The following NTRK1 variants were observed in gnomAD, a reference collection of about 807,000 sequenced individuals.
NTRK1 encodes the protein neurotrophic receptor tyrosine kinase 1.
Under a neutral mutation model 86.8 loss-of-function variants are expected in NTRK1, and 62 were observed. The ratio of observed to expected loss-of-function variants is 0.71; its 90% confidence interval spans 0.58 to 0.88. The LOEUF (loss-of-function observed/expected upper bound fraction) is 0.88, where lower values mean the gene tolerates loss of function less well. NTRK1 is among the 40% of genes least tolerant of loss of function. The pLI, the probability that NTRK1 is intolerant of heterozygous loss-of-function variation, is 0.00. For synonymous variants in NTRK1, 469 were observed against 456.6 expected (o/e 1.03, Z -0.35); for missense variants, 967 against 1,078.4 (o/e 0.90, Z 1.45).
At position 156,881,626 on chromosome 1, in the gene NTRK1, T is replaced by C; in HGVS notation, c.2375T>C (p.Leu792Pro). 1 of 1,607,592 alleles carries C rather than the reference T, an allele frequency of 6.2e-7. No individual in the cohort carries two copies. ...QALAQAPPVY[L>P]DVLG ...CTGGCCCAGGCACCTCCTGTCTACC[T>C]GGATGTCCTGGGCTAGGGGGCCGGC... The change falls in exon 17 of 17, where the codon CTG (leucine) becomes CCG (proline). Residue 792 changes from leucine (L) to proline (P), a missense_variant. By Grantham distance (98) the Leu-to-Pro change is moderately conservative. This residue lies in a region of NTRK1 where 637 missense variants were observed against 776.5 expected (regional missense o/e 0.82). Coordinates refer to ENST00000524377, the MANE Select transcript of NTRK1 (RefSeq NM_002529.4).
chr1:156,862,633 C>T (rs909364096), intron 1 of NTRK1, among the ~76,000 whole-genome samples: 17 of 152,256 alleles, frequency 1.1e-4, no homozygotes, highest in African/African-American at 2.9e-4. Context: ...CTCACTCACC[C>T]GCAGAGCTAA....
chr1:156,876,599 C>T (rs2102920299), intron 14 of NTRK1, 27 bp downstream of exon 14: 4 of 1,598,596 alleles, frequency 2.5e-6, no homozygotes, highest in Non-Finnish European at 2.6e-6. Context: ...TCAGCGCTGG[C>T]CCCGGCCCCT....
intron 1 of NTRK1, among the ~76,000 whole-genome samples, chr1:156,829,521 C>A (rs1330002212): frequency 1.3e-5 from 2 of 152,082 alleles, no homozygotes; most frequent in African/African-American, 4.8e-5. Flanking sequence ...CAGGATCCTG[C>A]CTTTTTGACA....
chr1:156,834,348 T>C (rs924223850), intron 1 of NTRK1, among the ~76,000 whole-genome samples: 1 of 152,172 alleles, frequency 6.6e-6, no homozygotes, highest in Admixed American at 6.5e-5. Flanking sequence ...GGGCTTTGTA[T>C]TAGGCTGGGG....
At chr1:156,842,264 G>A in intron 2 of NTRK1, 1 of 1,613,930 alleles carries the variant, frequency 6.2e-7, no homozygotes, top group Non-Finnish European at 8.5e-7. Context: ...TGGGAGCCCA[G>A]GGTTGTTCTA....
chr1:156,875,078 G>A (rs1387922844), intron 11 of NTRK1, 70 bp downstream of exon 11: 15 of 1,160,462 alleles, frequency 1.3e-5, no homozygotes, highest in Non-Finnish European at 1.8e-5. Context: ...GGCTCTTCCT[G>A]ACTCTGTCTC....
chr1:156,858,643 C>G (rs748275651), upstream of NTRK1: 1 of 1,605,240 alleles, frequency 6.2e-7, no homozygotes, highest in Non-Finnish European at 8.5e-7. Flanking sequence ...TGGCTTGTGT[C>G]CAGTCCCGGC....
intron 6 of NTRK1, 76 bp from the exon 7 acceptor site, chr1:156,871,547 G>A: frequency 6.5e-7 from 1 of 1,547,314 alleles, no homozygotes. Context: ...AGCCAGAGGG[G>A]CTCTCCAAAG....
intron 1 of NTRK1, among the ~76,000 whole-genome samples, chr1:156,826,476 A>G (rs1168075757): frequency 6.6e-6 from 1 of 150,794 alleles, no homozygotes; most frequent in African/African-American, 2.4e-5. Context: ...AATTTTTTGT[A>G]TTTTTTAGTA....
In NTRK1 at chr1:156,876,101, G is replaced by A. The variant is rs374799164; in HGVS notation, c.1523G>A (p.Arg508Gln). 15 of 1,614,064 alleles carry A rather than the reference G, an allele frequency of 9.3e-6. No individual in the cohort carries two copies. Among genetic ancestry groups the A allele is most frequent in the Middle Eastern group, 1.6e-4 (1 of 6,082 alleles). Reference protein sequence around the residue: ...SDACVHHIKRRDIVLKWELGE... With the variant: ...SDACVHHIKRQDIVLKWELGE... The stretch of plus-strand genomic sequence containing the variant: ...TCAGGTGTTCACCACATCAAGCGCC[G>A]GGACATCGTGCTCAAGTGGGAGCTG... Residue 508 changes from arginine to glutamine, a missense_variant, in exon 13 of 17, where the codon CGG (arginine) becomes CAG (glutamine). Physicochemically the swap from Arg to Gln is conservative, Grantham distance 43. This residue lies in a region of NTRK1 where 637 missense variants were observed against 776.5 expected (regional missense o/e 0.82). Coordinates refer to ENST00000524377, the MANE Select transcript of NTRK1 (RefSeq NM_002529.4).
chr1:156,845,735 G>T (rs1190731102), intron 2 of NTRK1: 1 of 1,613,834 alleles, frequency 6.2e-7, no homozygotes, highest in Non-Finnish European at 8.5e-7. Context: ...AAGGGCAGCA[G>T]TCGGACTCCA....
intron 1 of NTRK1, chr1:156,840,616 T>A (rs1354227036): frequency 5.6e-6 from 3 of 535,774 alleles, no homozygotes; most frequent in African/African-American, 1.9e-5. Context: ...GGGCAGGACA[T>A]CTCTCCCTGA....
chr1:156,845,773 C>A (rs536465147), intron 2 of NTRK1: 2 of 1,613,258 alleles, frequency 1.2e-6, no homozygotes, highest in South Asian at 1.1e-5. Flanking sequence ...CCGTCTTCGC[C>A]GTCGAAGCGC....
At chr1:156,859,278 C>T (rs964436927), upstream of NTRK1, among the ~76,000 whole-genome samples, 1 of 152,068 alleles carries the variant, frequency 6.6e-6, no homozygotes, top group African/African-American at 2.4e-5. The surrounding 1 kb of genome is among the most constrained non-coding windows in gnomAD (Gnocchi z 6.2). Context: ...GGAAATAAGG[C>T]CAAAATACGG....
At chr1:156,853,652 G>A (rs1196192794) in intron 2 of NTRK1, 3 of 1,165,676 alleles carry the variant, frequency 2.6e-6, no homozygotes, top group South Asian at 1.5e-5. Context: ...AAAAAACAGT[G>A]GCAGCTGAAA....
rs1290171656 is a variant in NTRK1, at chr1:156,868,553, G to A, written c.623G>A (p.Gly208Glu). The change falls in exon 6 of 17, where the codon GGG becomes GAG. Residue 208 changes from glycine (G) to glutamate (E), a missense_variant. By Grantham distance (98) the Gly-to-Glu change is moderately conservative (BLOSUM62 -2). Transcript: ENST00000524377. ...VQVPNASVDV[G>E]DDVLLRCQVE... ...GTGCCCAATGCCTCGGTGGATGTGG[G>A]GGACGACGTGCTGCTGCGGTGCCAG... 6.4e-7 allele frequency: 1 copy of A among 1,557,454 alleles called. No homozygotes were observed.
chr1:156,842,372 C>T (rs1054768557), intron 2 of NTRK1: 12 of 1,613,102 alleles, frequency 7.4e-6, no homozygotes, highest in Non-Finnish European at 1.0e-5. Flanking sequence ...CCTTCTTTCA[C>T]TCCCCAGGGT....
rs906112348 is a variant in NTRK1 at position 156,876,609 on chromosome 1, T to C, written c.1805+37T>C. 8 of 1,589,360 alleles carry C rather than the reference T, an allele frequency of 5.0e-6. No individual in the cohort carries two copies. In the African/African-American group the frequency reaches 6.7e-5, roughly 13 times the overall value. On this transcript the variant is annotated intron_variant, in intron 14 of 16. Coordinates refer to ENST00000524377, the MANE Select transcript of NTRK1 (RefSeq NM_002529.4). ...TGGCCTCAGCGCTGGCCCCGGCCCC[T>C]GGCTCTGGGCCCCGTCTTCCCTTCC...
At chr1:156,869,748 G>A (rs921352823) in intron 6 of NTRK1, among the ~76,000 whole-genome samples, 2 of 152,210 alleles carry the variant, frequency 1.3e-5, no homozygotes, top group Admixed American at 1.3e-4. Context: ...CTTACCCTTT[G>A]TCCTTAGGCT....
Sources: allele counts gnomAD v4.1 joint callset (sites outside exome capture counted in the v4.1 genomes callset), GRCh38; gene constraint gnomAD v4.1.1; regional missense constraint gnomAD v4.1.1; non-coding constraint Gnocchi (gnomAD v3.1); transcripts MANE v1.5; gene names NCBI Gene and HGNC (gene_info 2026-07-23, HGNC 2026-07-21).